The following HIBCH variants were observed in gnomAD, a reference collection of about 807,000 sequenced individuals.
HIBCH encodes 3-hydroxyisobutyryl-CoA hydrolase.
Under a neutral mutation model 58.2 loss-of-function variants are expected in HIBCH, and 50 were observed. The observed-to-expected ratio is 0.86, with a 90% confidence interval of 0.68 to 1.09. The LOEUF (loss-of-function observed/expected upper bound fraction) is 1.09. Among genes scored for constraint, HIBCH ranks in the 50% least tolerant of loss-of-function variants. HIBCH has a pLI of 0.00. For synonymous variants in HIBCH, 151 were observed against 146.9 expected (o/e 1.03, Z -0.20); for missense variants, 450 against 449.7 (o/e 1.00, Z -0.01).
intron 6 of HIBCH, among the ~76,000 whole-genome samples, chr2:190,269,458 C>T (rs1053445483): frequency 1.1e-4 from 2 of 18,266 alleles, no homozygotes; most frequent in African/African-American, 4.7e-4. Flanking sequence ...ATGCAGTCAA[C>T]AAACATATGA....
At chr2:190,200,349 T>G (rs1359388401), downstream of HIBCH, 1 of 558,428 alleles carries the variant, frequency 1.8e-6, no homozygotes, top group Non-Finnish European at 3.3e-6. Context: ...TAGTCTTAGA[T>G]TTTAGTCATC....
At chr2:190,291,682 C>G (rs895403503) in intron 4 of HIBCH, among the ~76,000 whole-genome samples, 3 of 152,170 alleles carry the variant, frequency 2.0e-5, no homozygotes, top group African/African-American at 7.2e-5. Flanking sequence ...AAAACAAATG[C>G]TCAGTAAATA....
chr2:190,194,253 T>C (rs896045777), intron 1 of HIBCH, among the ~76,000 whole-genome samples: 1 of 152,122 alleles, frequency 6.6e-6, no homozygotes, highest in Non-Finnish European at 1.5e-5. Flanking sequence ...TCAACTCAAG[T>C]TGGAGCATAA....
At chr2:190,305,468 T>C (rs548818248) in intron 2 of HIBCH, among the ~76,000 whole-genome samples, 22 of 152,176 alleles carry the variant, frequency 1.4e-4, no homozygotes, top group Non-Finnish European at 2.6e-4. Flanking sequence ...CCTGTGTACA[T>C]GACTATCTGC....
At chr2:190,305,552 T>C (rs1688381658) in intron 2 of HIBCH, among the ~76,000 whole-genome samples, 3 of 152,126 alleles carry the variant, frequency 2.0e-5, no homozygotes, top group African/African-American at 7.2e-5. Flanking sequence ...CTTAATTACA[T>C]ATACAACAAC....
intron 6 of HIBCH, among the ~76,000 whole-genome samples, chr2:190,267,238 T>G (rs982459549): frequency 6.6e-6 from 1 of 152,072 alleles, no homozygotes; most frequent in Non-Finnish European, 1.5e-5. Flanking sequence ...AGACAGAATC[T>G]CTGTCACCTA....
intron 11 of HIBCH, among the ~76,000 whole-genome samples, chr2:190,224,116 C>A (rs181816861): frequency 1.0e-3 from 157 of 152,348 alleles, no homozygotes; most frequent in African/African-American, 3.6e-3. Flanking sequence ...TATCCTGCAC[C>A]TGGCTCAGAG....
At chr2:190,200,194 T>TC, downstream of HIBCH, 3 of 1,546,248 alleles carry the variant, frequency 1.9e-6, 1 homozygote, top group South Asian at 3.5e-5. Flanking sequence ...CTAGTTTGAA[T>TC]AAATGTGACA....
At chr2:190,196,206 TAA>T (rs1689969422) in intron 1 of HIBCH, among the ~76,000 whole-genome samples, 1 of 152,092 alleles carries the variant, frequency 6.6e-6, no homozygotes, top group Non-Finnish European at 1.5e-5. Flanking sequence ...CCTTTCCTCA[TAA>T]GTCATACTTG....
At chr2:190,299,663 GGTTTT>G (rs1358656522) in intron 2 of HIBCH, among the ~76,000 whole-genome samples, 2 of 152,064 alleles carry the variant, frequency 1.3e-5, no homozygotes, top group African/African-American at 4.8e-5. Flanking sequence ...ACAGTGTTAA[GGTTTT>G]GTTTTTGTTT....
At position 190,261,165 on chromosome 2, in the gene HIBCH, T is replaced by G. The variant is rs770114545; in HGVS notation, c.508A>C (p.Thr170Pro). 4 of 1,612,914 alleles carry G rather than the reference T, an allele frequency of 2.5e-6. No homozygotes were observed. The African/African-American group carries it at 5.3e-5, about 22-fold the overall frequency. ...TEKCLFAMPE[T>P]AIGLFPDVGG... The stretch of plus-strand genomic sequence containing the variant: ...AATTCTGGTTGTTTACCTATTGCAG[T>G]TTCTGGCATAGCAAAAAGACACTTT... Residue 170 changes from threonine (T) to proline (P), a missense_variant, in exon 7 of 14, where the codon ACT (threonine) becomes CCT (proline). By Grantham distance (38) the Thr-to-Pro change is conservative. Transcript: ENST00000359678.
chr2:190,282,762 T>C (rs562766551), intron 6 of HIBCH, among the ~76,000 whole-genome samples: 4 of 151,918 alleles, frequency 2.6e-5, no homozygotes, highest in Non-Finnish European at 2.9e-5. Flanking sequence ...TTTCAACGGC[T>C]ATACAAGATG....
chr2:190,197,209 C>CTAAG lies in HIBCH; in HGVS notation c.*18-7216_*18-7213dup, dbSNP rs1690021050. 6.6e-6 allele frequency among the ~76,000 whole-genome samples: 1 copy of CTAAG among 152,290 alleles called. No homozygotes were observed. The highest frequency in any genetic ancestry group is 2.4e-5 in the African/African-American group (1 of 41,556). On this transcript the variant is annotated intron_variant, in intron 1 of 1. Coordinates refer to the HIBCH transcript ENST00000399855. The surrounding 1 kb of genome is among the most constrained non-coding windows in gnomAD (Gnocchi z 4.0). ...GCCACAAACATCCTAGCTCACAAGCCTAAGTCATAGCCCTTTAAGAAAACA... is the reference window on the plus strand; with the variant it reads ...GCCACAAACATCCTAGCTCACAAGCCTAAGTAAGTCATAGCCCTTTAAGAAAACA...
At chr2:190,245,511 G>C (rs1360061903) in intron 10 of HIBCH, 2 of 153,108 alleles carry the variant, frequency 1.3e-5, no homozygotes, top group African/African-American at 2.4e-5. Context: ...TGTTCAGCTT[G>C]GTAAGATCTT....
chr2:190,319,157 G>T (rs1688782549), intron 1 of HIBCH, among the ~76,000 whole-genome samples: 1 of 152,194 alleles, frequency 6.6e-6, no homozygotes, highest in South Asian at 2.1e-4. Flanking sequence ...TGAGCTCAAA[G>T]CGCAGTGAGG....
chr2:190,191,278 G>A (rs982196747), intron 1 of HIBCH, among the ~76,000 whole-genome samples: 3 of 152,074 alleles, frequency 2.0e-5, no homozygotes, highest in Non-Finnish European at 4.4e-5. Flanking sequence ...AAGCAGCTGG[G>A]ACTACAGGTG....
intron 12 of HIBCH, 34 bp downstream of exon 12, chr2:190,212,922 A>C (rs1455156026): frequency 6.4e-7 from 1 of 1,570,092 alleles, no homozygotes; most frequent in Non-Finnish European, 8.7e-7. Flanking sequence ...TACTTTTAGA[A>C]CTAAAAAATG....
At chr2:190,247,501 T>C (rs1686644187) in intron 9 of HIBCH, among the ~76,000 whole-genome samples, 1 of 152,218 alleles carries the variant, frequency 6.6e-6, no homozygotes, top group Non-Finnish European at 1.5e-5. Context: ...TCTTCAGTTC[T>C]GGGTAATTTA....
chr2:190,220,740 C>T (rs1685696048), intron 11 of HIBCH, among the ~76,000 whole-genome samples: 1 of 151,818 alleles, frequency 6.6e-6, no homozygotes, highest in Non-Finnish European at 1.5e-5. Context: ...CACTAGTTTT[C>T]TTTAGCAGGG....
Sources: allele counts gnomAD v4.1 joint callset (sites outside exome capture counted in the v4.1 genomes callset), GRCh38; gene constraint gnomAD v4.1.1; non-coding constraint Gnocchi (gnomAD v3.1); transcripts MANE v1.5; gene names NCBI Gene and HGNC (gene_info 2026-07-23, HGNC 2026-07-21).